The following MSH3 variants were observed in gnomAD, a reference collection of about 807,000 sequenced individuals.
The protein encoded by MSH3 is mutS homolog 3, also known as DNA mismatch repair protein Msh3.
In MSH3, 106 loss-of-function variants were observed where a neutral mutation model predicts 123.3. The ratio of observed to expected loss-of-function variants is 0.86; its 90% CI spans 0.73 to 1.01. The LOEUF is 1.01. Among genes scored for constraint, MSH3 ranks in the 50% least tolerant of loss-of-function variants. MSH3 has a pLI of 0.00. For missense variants in MSH3, 1,459 were observed against 1,347.6 expected, an observed-to-expected ratio of 1.08 and a Z score of -1.29; for synonymous variants, 515 against 481.4, an observed-to-expected ratio of 1.07 and a Z score of -0.91.
chr5:80,797,956 C>CT (rs553888116), intron 19 of MSH3, among the ~76,000 whole-genome samples: 59 of 148,106 alleles, frequency 4.0e-4, no homozygotes, highest in African/African-American at 8.1e-4. Context: ...CCAAATGACT[C>CT]TTTTTTTTTT....
chr5:80,848,568 A>G (rs542333513), intron 20 of MSH3, among the ~76,000 whole-genome samples: 1 of 152,346 alleles, frequency 6.6e-6, no homozygotes, highest in South Asian at 2.1e-4. Context: ...CAATCATGGC[A>G]GAAGGCAAGG....
chr5:80,705,716 T>C (rs1218534270), intron 8 of MSH3, among the ~76,000 whole-genome samples: 2 of 152,236 alleles, frequency 1.3e-5, no homozygotes, highest in African/African-American at 4.8e-5. Flanking sequence ...AGGAAGGATC[T>C]GTTCCAGGCC....
chr5:80,833,298 A>G (rs1745450940), intron 20 of MSH3, among the ~76,000 whole-genome samples: 1 of 152,108 alleles, frequency 6.6e-6, no homozygotes, highest in African/African-American at 2.4e-5. Flanking sequence ...TTTTTACTAC[A>G]TTTGACTGTA....
chr5:80,844,046 A>G (rs1160015690), intron 20 of MSH3, among the ~76,000 whole-genome samples: 1 of 151,846 alleles, frequency 6.6e-6, no homozygotes, highest in Non-Finnish European at 1.5e-5. Context: ...AGTGCTATAA[A>G]TTTCCCTCTA....
chr5:80,704,451 G>A (rs1412717275), intron 8 of MSH3, among the ~76,000 whole-genome samples: 1 of 152,152 alleles, frequency 6.6e-6, no homozygotes, highest in Non-Finnish European at 1.5e-5. Context: ...TGCCCTCCAG[G>A]TGCTTAGTGA....
chr5:80,681,804 T>C (rs1332739585), intron 8 of MSH3, among the ~76,000 whole-genome samples: 1 of 152,162 alleles, frequency 6.6e-6, no homozygotes, highest in African/African-American at 2.4e-5. Flanking sequence ...AAAGTGAATT[T>C]TTGTTTGTCA....
At chr5:80,685,531 A>G (rs940811980) in intron 8 of MSH3, among the ~76,000 whole-genome samples, 4 of 151,376 alleles carry the variant, frequency 2.6e-5, no homozygotes, top group African/African-American at 7.3e-5. Context: ...TCTCATCTCT[A>G]ATTTTGTTTA....
chr5:80,761,182 G>A (rs1744025094), intron 12 of MSH3, among the ~76,000 whole-genome samples: 1 of 152,106 alleles, frequency 6.6e-6, no homozygotes, highest in African/African-American at 2.4e-5. Context: ...AATTTATTGG[G>A]CAAAGAGCAA....
intron 13 of MSH3, among the ~76,000 whole-genome samples, chr5:80,765,195 C>T (rs1039040134): frequency 6.6e-5 from 10 of 152,184 alleles, no homozygotes; most frequent in Admixed American, 6.5e-4. Context: ...GCTGACTTAA[C>T]TTTACATTGT....
chr5:80,876,152 C>A lies in MSH3; in HGVS notation c.*290C>A, dbSNP rs143087023. 1.6e-3 allele frequency: 538 copies of A among 337,358 alleles called. 1 individual carries two copies. Among genetic ancestry groups the A allele is most frequent in the African/African-American group, 0.01 (498 of 47,698 alleles). 20.9% of individuals were successfully genotyped at this position (337,358 alleles called of 1,614,324 possible). A position where few individuals can be genotyped will look rare whatever the true frequency, so the allele number is the denominator to read the frequency against. ...TAAGTGGCAGAATATAATTCCCAAG[C>A]TTTTGGAGGGTGATATAAAAATTTA... On this transcript the variant is annotated 3_prime_UTR_variant, in exon 24 of 24. Transcript: ENST00000265081.
chr5:80,807,060 C>A (rs111653988), intron 19 of MSH3, among the ~76,000 whole-genome samples: 1 of 151,810 alleles, frequency 6.6e-6, no homozygotes, highest in South Asian at 2.1e-4. Flanking sequence ...GATGTGATGG[C>A]ACCCACCCAT....
intron 22 of MSH3, among the ~76,000 whole-genome samples, chr5:80,869,056 G>C (rs957159338): frequency 6.6e-6 from 1 of 152,108 alleles, no homozygotes; most frequent in East Asian, 1.9e-4. Context: ...GATGTGATAG[G>C]TAAAACAATG....
chr5:80,813,681 T>C lies in MSH3; in HGVS notation c.2753T>C (p.Ile918Thr), dbSNP rs746195165. 3.1e-6 allele frequency: 5 copies of C among 1,614,182 alleles called. No homozygotes were observed. Among genetic ancestry groups the C allele is most frequent in the Middle Eastern group, 1.6e-4 (1 of 6,062 alleles). ...QVALITIMAQ[I>T]GSYVPAEEAT... The stretch of plus-strand genomic sequence containing the variant: ...GCATTGATTACCATCATGGCTCAGA[T>C]TGGCTCCTATGTTCCTGCAGAAGAA... Residue 918 changes from isoleucine (I) to threonine (T), a missense_variant, in exon 20 of 24, where the codon ATT becomes ACT. Transcript: ENST00000265081.
In MSH3 at chr5:80,655,048, C is replaced by A; in HGVS notation, c.237+84C>A. The A allele has an allele frequency of 5.1e-6, 4 of 779,754 alleles. No individual in the cohort carries two copies. In the East Asian group the frequency reaches 9.6e-5, roughly 19 times the overall value. 48.3% of individuals were successfully genotyped at this position (779,754 alleles called of 1,614,324 possible). A position where few individuals can be genotyped will look rare whatever the true frequency, so the allele number is the denominator to read the frequency against. On this transcript the variant is annotated intron_variant, in intron 1 of 23. Transcript: ENST00000265081. ...TAAGGCGGGCGGAGGCGGGGACCCTCCGCCCGATGATAGGGCTGGAGGAGG... is the reference window on the plus strand; with the variant it reads ...TAAGGCGGGCGGAGGCGGGGACCCTACGCCCGATGATAGGGCTGGAGGAGG...
At chr5:80,703,784 GCT>G (rs1291603814) in intron 8 of MSH3, among the ~76,000 whole-genome samples, 1 of 151,978 alleles carries the variant, frequency 6.6e-6, no homozygotes, top group Non-Finnish European at 1.5e-5. Flanking sequence ...GTGCTGATGT[GCT>G]CTAGAAACAT....
chr5:80,770,930 A>G (rs1039485238), intron 15 of MSH3, among the ~76,000 whole-genome samples: 5 of 152,182 alleles, frequency 3.3e-5, no homozygotes, highest in African/African-American at 9.7e-5. Flanking sequence ...AAAGTACAGC[A>G]TGGAGATCAA....
chr5:80,663,705 G>A (rs1650675), intron 2 of MSH3, among the ~76,000 whole-genome samples: 41,094 of 152,002 alleles, frequency 0.27, 5,759 homozygotes, highest in Middle Eastern at 0.35. Flanking sequence ...TTAAATTTTT[G>A]TGGCTAGAAA....
At position 80,740,519 on chromosome 5, in the gene MSH3, A is replaced by G. The variant is rs147587522; in HGVS notation, c.1569-945A>G. Reference sequence around the variant, plus strand: ...ACTACAGGCGTGCGCCACTACACCCATCTAATTTTTGTATTTTTAGTAGAG... The same window carrying G: ...ACTACAGGCGTGCGCCACTACACCCGTCTAATTTTTGTATTTTTAGTAGAG... On this transcript the variant is annotated intron_variant, in intron 10 of 23. Transcript: ENST00000265081. Among the ~76,000 whole-genome samples, 688 of 151,290 alleles carry G rather than the reference A, an allele frequency of 4.5e-3. 7 individuals carry two copies. Among genetic ancestry groups the G allele is most frequent in the African/African-American group, 0.016 (644 of 41,276 alleles).
At position 80,854,060 on chromosome 5, in the gene MSH3, A is replaced by G; in HGVS notation, c.2814-70A>G. The G allele has an allele frequency of 4.1e-6, 5 of 1,231,348 alleles. No individual in the cohort carries two copies. In the African/African-American group the frequency reaches 4.5e-5, roughly 11 times the overall value. The allele number at this position is 1,231,348 out of a possible 1,614,324, so 76.3% of individuals were successfully genotyped here. On this transcript the variant is annotated intron_variant, in intron 20 of 23. Transcript: ENST00000265081. Reference sequence around the variant, plus strand: ...TAGTGATCTTTTATATTTATTGTTCATAAAATAATGTTCGGCTTCCTAATA... The same window carrying G: ...TAGTGATCTTTTATATTTATTGTTCGTAAAATAATGTTCGGCTTCCTAATA...
Sources: allele counts gnomAD v4.1 joint callset (sites outside exome capture counted in the v4.1 genomes callset), GRCh38; gene constraint gnomAD v4.1.1; transcripts MANE v1.5; gene names NCBI Gene and HGNC (gene_info 2026-07-23, HGNC 2026-07-21).